AHCYL1: variants seen among roughly 807,000 people sequenced by gnomAD.
AHCYL1 encodes the protein adenosylhomocysteinase like 1, also known as S-adenosylhomocysteine hydrolase-like protein 1.
AHCYL1 carries 20 observed loss-of-function variants against 79.3 expected under a neutral mutation model. The ratio of observed to expected loss-of-function variants is 0.25; its 90% CI spans 0.18 to 0.37. The LOEUF is 0.37. Ranked by LOEUF, AHCYL1 falls within the 10% of genes least tolerant of loss-of-function variation. AHCYL1 has a pLI of 1.00. For missense variants in AHCYL1, 330 were observed against 673.6 expected, an observed-to-expected ratio of 0.49 and a Z score of 5.65; for synonymous variants, 223 against 242.2, an observed-to-expected ratio of 0.92 and a Z score of 0.74.
In AHCYL1 at chr1:110,017,489, C is replaced by T. The variant is rs776731240; in HGVS notation, c.964-6C>T. ...CTAACGACTTGACCTTTCTTTTGTT[C>T]TGCAGGTAGGCAAGGGCTGCTGTGC... On this transcript the variant is annotated splice_polypyrimidine_tract_variant and splice_region_variant and intron_variant, in intron 9 of 16. Transcript: ENST00000369799. 15 of 1,613,872 alleles carry T rather than the reference C, an allele frequency of 9.3e-6. No individual in the cohort carries two copies. The Admixed American group carries it at 2.5e-4, about 27-fold the overall frequency.
In AHCYL1 at chr1:110,016,380, TC is replaced by T; in HGVS notation, c.821del (p.Pro274ArgfsTer3). The T allele has an allele frequency of 6.2e-7, 1 of 1,614,124 alleles. No homozygotes were observed. Among genetic ancestry groups the T allele is most frequent in the Non-Finnish European group, 8.5e-7 (1 of 1,179,992 alleles). On this transcript the variant is annotated frameshift_variant, in exon 8 of 17. Transcript: ENST00000369799. LOFTEE classifies it high-confidence loss of function. The stretch of plus-strand genomic sequence containing the variant: ...TCTCCAAAGCTGGGAAGCTCTGTGT[TC>T]CGGCCATGAACGTCAATGATTCTGT... ...QLSKAGKLCV[P>X]AMNVNDSVTK...
At chr1:110,006,301 C>T (rs1344404944) in intron 1 of AHCYL1, among the ~76,000 whole-genome samples, 1 of 152,164 alleles carries the variant, frequency 6.6e-6, no homozygotes, top group African/African-American at 2.4e-5. Context: ...ACTTTATTTC[C>T]TTTCCATTCC....
intron 11 of AHCYL1, 97 bp downstream of exon 11, chr1:110,018,113 A>T: frequency 1.5e-6 from 2 of 1,333,722 alleles, no homozygotes; most frequent in Admixed American, 3.6e-5. Flanking sequence ...TCTGTTCAGT[A>T]TAAAGGTCTC....
chr1:110,001,011 T>C (rs2101708260), intron 1 of AHCYL1: 4 of 957,478 alleles, frequency 4.2e-6, no homozygotes, highest in Non-Finnish European at 5.0e-6. Context: ...TCAAACTTCC[T>C]GTACAATCAA....
intron 1 of AHCYL1, among the ~76,000 whole-genome samples, chr1:109,994,970 A>G (rs747528132): frequency 5.9e-5 from 9 of 152,184 alleles, no homozygotes; most frequent in Non-Finnish European, 1.3e-4. Context: ...AATAAGATGT[A>G]TTGTAAGTCC....
intron 3 of AHCYL1, 67 bp from the exon 4 acceptor site, chr1:110,012,295 A>C (rs1430011875): frequency 7.0e-6 from 10 of 1,426,612 alleles, no homozygotes; most frequent in African/African-American, 1.4e-5. Context: ...GATCCAGACC[A>C]GCCCTGGGGC....
In AHCYL1 at chr1:110,001,752, T is replaced by C. The variant is rs568715504; in HGVS notation, c.121-7282T>C. Among the ~76,000 whole-genome samples, 3 of 152,314 alleles carry C rather than the reference T, an allele frequency of 2.0e-5. No homozygotes were observed. In the East Asian group the frequency reaches 5.8e-4, roughly 29 times the overall value. On this transcript the variant is annotated intron_variant, in intron 1 of 16. Transcript: ENST00000369799. ...CAGTGAAACTTCTCTGAGTGTACCT[T>C]TTAAAGTTTTGAGACATGTAAATGT... is the stretch of plus-strand genomic sequence containing the variant.
At chr1:109,996,027 C>T (rs1650010651) in intron 1 of AHCYL1, among the ~76,000 whole-genome samples, 1 of 152,154 alleles carries the variant, frequency 6.6e-6, no homozygotes. Context: ...CGAGACCAGC[C>T]TGGCCAACAT....
At chr1:110,019,208 C>T in intron 14 of AHCYL1, 89 bp downstream of exon 14, 1 of 1,252,166 alleles carries the variant, frequency 8.0e-7, no homozygotes, top group Non-Finnish European at 1.2e-6. Context: ...GTACTATGTT[C>T]TCATCATCCT....
chr1:110,019,017 G>A, intron 13 of AHCYL1, 34 bp from the exon 14 acceptor site: 1 of 1,605,238 alleles, frequency 6.2e-7, no homozygotes, highest in Non-Finnish European at 8.5e-7. Flanking sequence ...ATCTGAGACA[G>A]AGCTCATCCC....
chr1:110,009,282 T>A, intron 2 of AHCYL1, 137 bp downstream of exon 2: 1 of 716,202 alleles, frequency 1.4e-6, no homozygotes, highest in Non-Finnish European at 2.2e-6. Context: ...GGCTGGGCAG[T>A]GGGAATGTTC....
intron 10 of AHCYL1, 117 bp downstream of exon 10, chr1:110,017,700 G>A (rs551574907): frequency 8.7e-6 from 10 of 1,148,148 alleles, no homozygotes; most frequent in South Asian, 1.4e-5. Context: ...GAGAAGGCTA[G>A]GACTGCTCTG....
intron 5 of AHCYL1, among the ~76,000 whole-genome samples, chr1:110,014,099 C>A (rs1034149839): frequency 2.6e-5 from 4 of 152,012 alleles, no homozygotes; most frequent in Non-Finnish European, 5.9e-5. Context: ...CCACACCCAG[C>A]CGGACCTCTC....
intron 1 of AHCYL1, among the ~76,000 whole-genome samples, chr1:109,994,992 ATCT>A (rs1649953009): frequency 6.6e-6 from 1 of 152,166 alleles, no homozygotes. Context: ...AGGAAAATGC[ATCT>A]TGGTGGGGCT....
At chr1:109,985,404 G>A in intron 1 of AHCYL1, 3 of 1,275,494 alleles carry the variant, frequency 2.4e-6, no homozygotes, top group Non-Finnish European at 3.0e-6. Context: ...TTTGAAACCC[G>A]ACAGGGCCAG....
chr1:110,001,405 C>G (rs1006362998), intron 1 of AHCYL1, among the ~76,000 whole-genome samples: 6 of 152,154 alleles, frequency 3.9e-5, no homozygotes, highest in African/African-American at 1.2e-4. Context: ...AGGCTGGTCT[C>G]AAACTCCTGA....
chr1:110,018,507 A>G (rs1468816478), intron 12 of AHCYL1, 40 bp downstream of exon 12: 1 of 1,613,628 alleles, frequency 6.2e-7, no homozygotes, highest in Non-Finnish European at 8.5e-7. Context: ...TTTCTCTACT[A>G]CCTTTCATTA....
rs113374955 is a variant in AHCYL1 at position 109,998,551 on chromosome 1, C to G, written c.121-10483C>G. On this transcript the variant is annotated intron_variant, in intron 1 of 16. Transcript: ENST00000369799. ...GGAGTGCAGTGGTGTGATCTCACCTCACTGCAACCTCCGTCCCCTGGGTTC... is the reference window on the plus strand; with the variant it reads ...GGAGTGCAGTGGTGTGATCTCACCTGACTGCAACCTCCGTCCCCTGGGTTC... Among the ~76,000 whole-genome samples the G allele has an allele frequency of 9.3e-3, 1,409 of 152,290 alleles. 28 individuals are homozygous for G. Among genetic ancestry groups the G allele is most frequent in the African/African-American group, 0.032 (1,333 of 41,564 alleles).
chr1:110,011,495 A>T, intron 3 of AHCYL1, 138 bp downstream of exon 3: 1 of 1,186,964 alleles, frequency 8.4e-7, no homozygotes, highest in East Asian at 2.4e-5. Flanking sequence ...TCGGATAAAC[A>T]CTTCTCTCTC....
Sources: allele counts gnomAD v4.1 joint callset (sites outside exome capture counted in the v4.1 genomes callset), GRCh38; gene constraint gnomAD v4.1.1; transcripts MANE v1.5; gene names NCBI Gene and HGNC (gene_info 2026-07-23, HGNC 2026-07-21).